The following CHCHD6 variants were observed in gnomAD, a reference collection of about 807,000 sequenced individuals.
CHCHD6 encodes the protein coiled-coil-helix-coiled-coil-helix domain containing 6, also known as MICOS complex subunit MIC25.
In CHCHD6, 28 loss-of-function variants were observed where a neutral mutation model predicts 32.3. That is an observed-to-expected ratio of 0.87 (90% CI 0.64 to 1.19). CHCHD6 has a LOEUF of 1.19. Ranked by LOEUF, CHCHD6 falls within the 50% of genes most tolerant of loss-of-function variation. The probability of loss-of-function intolerance (pLI) is 0.00; values close to 1 mark genes in which losing one functional copy is unlikely to be tolerated. For synonymous variants in CHCHD6, 122 were observed against 117.5 expected, an observed-to-expected ratio of 1.04 and a Z score of -0.25; for missense variants, 333 against 307.0, an observed-to-expected ratio of 1.08 and a Z score of -0.63.
intron 4 of CHCHD6, among the ~76,000 whole-genome samples, chr3:126,814,243 G>A (rs115852515): frequency 0.018 from 2,749 of 152,316 alleles, 31 homozygotes; most frequent in Middle Eastern, 0.051. Context: ...CATCACTTCT[G>A]TTTGCCTCTG....
intron 5 of CHCHD6, among the ~76,000 whole-genome samples, chr3:126,902,364 A>T (rs369092281): frequency 6.6e-6 from 1 of 152,200 alleles, no homozygotes; most frequent in East Asian, 1.9e-4. Context: ...TATATGAAGG[A>T]TAAAAGGACT....
At chr3:126,883,496 T>A (rs1369988809) in intron 5 of CHCHD6, among the ~76,000 whole-genome samples, 1 of 152,166 alleles carries the variant, frequency 6.6e-6, no homozygotes, top group African/African-American at 2.4e-5. Context: ...ATATTCTGAG[T>A]CACAGAAGTC....
chr3:126,746,678 T>C (rs948735715), intron 4 of CHCHD6, among the ~76,000 whole-genome samples: 4 of 152,160 alleles, frequency 2.6e-5, no homozygotes, highest in African/African-American at 9.6e-5. Flanking sequence ...CCATGTCACA[T>C]GTGTGGAATT....
intron 4 of CHCHD6, among the ~76,000 whole-genome samples, chr3:126,782,390 C>T (rs1047220096): frequency 6.6e-5 from 10 of 152,228 alleles, no homozygotes; most frequent in African/African-American, 2.4e-4. Context: ...TCTGACATTA[C>T]ATTTCATTGA....
At chr3:126,723,165 T>A (rs1030151911) in intron 1 of CHCHD6, among the ~76,000 whole-genome samples, 1 of 152,202 alleles carries the variant, frequency 6.6e-6, no homozygotes, top group Non-Finnish European at 1.5e-5. Context: ...ATATGTTTGG[T>A]CTTCTCTTGT....
chr3:126,790,938 C>T (rs891371165), intron 4 of CHCHD6, among the ~76,000 whole-genome samples: 12 of 151,928 alleles, frequency 7.9e-5, no homozygotes, highest in African/African-American at 2.9e-4. Flanking sequence ...TCTGTTTTTT[C>T]CCCATTTTTG....
At chr3:126,861,567 C>T (rs1023330771) in intron 5 of CHCHD6, among the ~76,000 whole-genome samples, 2 of 151,314 alleles carry the variant, frequency 1.3e-5, no homozygotes, top group Non-Finnish European at 1.5e-5. Context: ...GCACCACCAC[C>T]TCATCCTCCT....
In CHCHD6 at chr3:126,890,059, G is replaced by A. The variant is rs74883698; in HGVS notation, c.496-24621G>A. Among the ~76,000 whole-genome samples, 120 of 152,344 alleles carry A rather than the reference G, an allele frequency of 7.9e-4. No individual in the cohort carries two copies. In the East Asian group the frequency reaches 0.018, roughly 23 times the overall value. On this transcript the variant is annotated intron_variant, in intron 5 of 7. Coordinates refer to ENST00000290913, the MANE Select transcript of CHCHD6 (RefSeq NM_032343.3). ...GGGCTGCATGGCCCATGTGGAGAGGGCCAGGTGGAGGGACTTTGAGGTGAC... is the reference window on the plus strand; with the variant it reads ...GGGCTGCATGGCCCATGTGGAGAGGACCAGGTGGAGGGACTTTGAGGTGAC...
At chr3:126,729,159 T>G (rs1312591229) in intron 2 of CHCHD6, among the ~76,000 whole-genome samples, 1 of 152,122 alleles carries the variant, frequency 6.6e-6, no homozygotes. Flanking sequence ...AATGTGAATA[T>G]AAGAAATTAG....
chr3:126,705,450 A>G (rs1428076281), intron 1 of CHCHD6, among the ~76,000 whole-genome samples: 1 of 152,320 alleles, frequency 6.6e-6, no homozygotes, highest in African/African-American at 2.4e-5. Flanking sequence ...CAACAGCCCT[A>G]TTTAGCCCAT....
intron 5 of CHCHD6, among the ~76,000 whole-genome samples, chr3:126,861,338 T>A (rs1405222968): frequency 6.6e-6 from 1 of 152,014 alleles, no homozygotes; most frequent in Admixed American, 6.5e-5. Context: ...CTAACCGTTA[T>A]AACCTCAACC....
chr3:126,814,681 A>G (rs918261652), intron 4 of CHCHD6, among the ~76,000 whole-genome samples: 2 of 152,218 alleles, frequency 1.3e-5, no homozygotes, highest in African/African-American at 2.4e-5. Context: ...CCCCTCCCAC[A>G]TGCCTTGCCC....
At chr3:126,958,939 C>G (rs2078824328) in intron 7 of CHCHD6, among the ~76,000 whole-genome samples, 1 of 152,216 alleles carries the variant, frequency 6.6e-6, no homozygotes, top group South Asian at 2.1e-4. Flanking sequence ...AGCTCCGAGT[C>G]TCTGTTCATC....
At chr3:126,891,782 C>A (rs1223435899) in intron 5 of CHCHD6, among the ~76,000 whole-genome samples, 1 of 152,112 alleles carries the variant, frequency 6.6e-6, no homozygotes, top group Non-Finnish European at 1.5e-5. Context: ...TAAGACAGAG[C>A]TAGATCAAGG....
intron 4 of CHCHD6, among the ~76,000 whole-genome samples, chr3:126,800,565 G>C (rs1433997244): frequency 1.3e-5 from 2 of 152,178 alleles, no homozygotes; most frequent in African/African-American, 2.4e-5. Context: ...GACACAGTCA[G>C]ATCCCCTCTG....
intron 4 of CHCHD6, among the ~76,000 whole-genome samples, chr3:126,811,639 G>A (rs888482775): frequency 6.6e-6 from 1 of 152,032 alleles, no homozygotes; most frequent in African/African-American, 2.4e-5. Flanking sequence ...AGGTATTTGA[G>A]GAGGCTGTTG....
intron 6 of CHCHD6, among the ~76,000 whole-genome samples, chr3:126,929,823 C>G (rs1200031851): frequency 2.0e-5 from 3 of 152,244 alleles, no homozygotes; most frequent in Non-Finnish European, 4.4e-5. Context: ...GCCTCAGCCT[C>G]CCAAGGTGCT....
At chr3:126,753,412 G>A (rs751452327) in intron 4 of CHCHD6, among the ~76,000 whole-genome samples, 8 of 152,192 alleles carry the variant, frequency 5.3e-5, no homozygotes, top group Non-Finnish European at 8.8e-5. Flanking sequence ...TCGTAGCTGG[G>A]TGCAGATCAT....
intron 1 of CHCHD6, among the ~76,000 whole-genome samples, chr3:126,720,425 C>G (rs1935228551): frequency 6.6e-6 from 1 of 152,334 alleles, no homozygotes. Context: ...ACAGGGTCCA[C>G]TCTGAAATGG....
Sources: allele counts gnomAD v4.1 joint callset (sites outside exome capture counted in the v4.1 genomes callset), GRCh38; gene constraint gnomAD v4.1.1; transcripts MANE v1.5; gene names NCBI Gene and HGNC (gene_info 2026-07-23, HGNC 2026-07-21).